Variants in PDHX observed in about 807,000 individuals in gnomAD.
PDHX encodes pyruvate dehydrogenase protein X component, mitochondrial.
Under a neutral mutation model 55.3 loss-of-function variants are expected in PDHX, and 33 were observed. That is an observed-to-expected ratio of 0.60 (90% CI 0.45 to 0.80). The LOEUF is 0.80. PDHX is among the 30% of genes least tolerant of loss of function. The probability of loss-of-function intolerance (pLI) is 0.00; values close to 1 mark genes in which losing one functional copy is unlikely to be tolerated. For synonymous variants in PDHX, 226 were observed against 219.4 expected (o/e 1.03, Z -0.27); for missense variants, 622 against 619.9 (o/e 1.00, Z -0.04).
At chr11:34,987,243 G>C (rs1855666354) in intron 9 of PDHX, among the ~76,000 whole-genome samples, 1 of 152,054 alleles carries the variant, frequency 6.6e-6, no homozygotes, top group African/African-American at 2.4e-5. Flanking sequence ...GGAGGGTTTG[G>C]TTTGGTCCTC....
chr11:34,966,337 C>T (rs905553944), intron 5 of PDHX, among the ~76,000 whole-genome samples: 5 of 152,072 alleles, frequency 3.3e-5, no homozygotes, highest in African/African-American at 1.2e-4. Flanking sequence ...TACCAAATAA[C>T]GTCCACTGCA....
intron 7 of PDHX, among the ~76,000 whole-genome samples, chr11:34,970,783 A>G (rs1447492981): frequency 1.3e-5 from 2 of 152,224 alleles, no homozygotes; most frequent in East Asian, 3.8e-4. Context: ...TAGAGATGCC[A>G]AAACAGTAAA....
intron 1 of PDHX, among the ~76,000 whole-genome samples, chr11:34,926,670 AT>A (rs10709327): frequency 0.79 from 120,167 of 151,692 alleles, 47,743 homozygotes; most frequent in East Asian, 0.83. Flanking sequence ...CTTGTATTAA[AT>A]TTTTTTTTTA....
intron 2 of PDHX, among the ~76,000 whole-genome samples, chr11:34,947,302 T>C (rs536867391): frequency 2.0e-5 from 3 of 152,272 alleles, no homozygotes; most frequent in African/African-American, 7.2e-5. Flanking sequence ...ATGTCCATTA[T>C]AGAGCTTTTG....
chr11:34,925,888 A>G (rs1854007428), intron 1 of PDHX, among the ~76,000 whole-genome samples: 1 of 152,238 alleles, frequency 6.6e-6, no homozygotes, highest in Non-Finnish European at 1.5e-5. Flanking sequence ...CAGTAAGAAT[A>G]ATGAATGCAA....
intron 1 of PDHX, among the ~76,000 whole-genome samples, chr11:34,926,058 A>C (rs1242102348): frequency 2.6e-5 from 4 of 152,188 alleles, no homozygotes; most frequent in African/African-American, 9.7e-5. Context: ...ACTGTTGTGC[A>C]TTCATTTTCT....
intron 3 of PDHX, among the ~76,000 whole-genome samples, chr11:34,947,979 A>G (rs1337820491): frequency 2.0e-5 from 3 of 152,228 alleles, no homozygotes; most frequent in African/African-American, 7.2e-5. Flanking sequence ...TTTACTAGGT[A>G]GTATGGTGGA....
chr11:34,953,515 T>C (rs1854829695), intron 3 of PDHX, among the ~76,000 whole-genome samples: 1 of 152,212 alleles, frequency 6.6e-6, no homozygotes, highest in Admixed American at 6.5e-5. Context: ...GAAATAGTTA[T>C]GACAGATTGT....
intron 2 of PDHX, among the ~76,000 whole-genome samples, chr11:34,933,828 A>G (rs1854235270): frequency 6.6e-6 from 1 of 152,114 alleles, no homozygotes; most frequent in Non-Finnish European, 1.5e-5. Flanking sequence ...CAGAGATGAG[A>G]TAGTTTGAGG....
At chr11:34,980,827 T>C (rs1274214479) in intron 8 of PDHX, among the ~76,000 whole-genome samples, 2 of 152,132 alleles carry the variant, frequency 1.3e-5, no homozygotes, top group African/African-American at 4.8e-5. Context: ...TATATTGCCA[T>C]GCTTAAATGA....
In PDHX at chr11:34,984,517, C is replaced by T. The variant is rs79976609; in HGVS notation, c.1024-53C>T. The T allele has an allele frequency of 0.01, 14,744 of 1,472,080 alleles. 1,033 individuals are homozygous for T. The African/African-American group carries it at 0.17, about 17-fold the overall frequency. 91.2% of individuals were successfully genotyped at this position (1,472,080 alleles called of 1,614,324 possible). On this transcript the variant is annotated intron_variant, in intron 8 of 10. Transcript: ENST00000227868. ...CACAATGATTTTATTTTTCTGTAACCGCCTTGGTCTAAAGCTGCTTTTTTA... is the reference window on the plus strand; with the variant it reads ...CACAATGATTTTATTTTTCTGTAACTGCCTTGGTCTAAAGCTGCTTTTTTA...
At chr11:34,970,340 G>A in intron 7 of PDHX, 54 bp downstream of exon 7, 3 of 1,374,972 alleles carry the variant, frequency 2.2e-6, no homozygotes, top group South Asian at 2.4e-5. Flanking sequence ...TAACTTTCAT[G>A]AAATCCTTTA....
intron 3 of PDHX, among the ~76,000 whole-genome samples, chr11:34,951,261 G>A (rs980180863): frequency 7.9e-5 from 12 of 151,654 alleles, no homozygotes; most frequent in African/African-American, 1.7e-4. Context: ...GGGTTTCACC[G>A]TGTTAGCCAG....
intron 8 of PDHX, among the ~76,000 whole-genome samples, chr11:34,983,176 A>G (rs1590768180): frequency 6.6e-6 from 1 of 152,324 alleles, no homozygotes; most frequent in Non-Finnish European, 1.5e-5. Flanking sequence ...CAAAAACCAC[A>G]TGGTTATCTC....
intron 2 of PDHX, among the ~76,000 whole-genome samples, chr11:34,943,148 A>G (rs1854530290): frequency 6.6e-6 from 1 of 152,220 alleles, no homozygotes; most frequent in South Asian, 2.1e-4. Context: ...TAAAACATTT[A>G]AGTGTCCTGT....
intron 8 of PDHX, among the ~76,000 whole-genome samples, chr11:34,983,740 G>T (rs1405050786): frequency 6.6e-6 from 1 of 152,122 alleles, no homozygotes; most frequent in East Asian, 1.9e-4. Context: ...CTTCTTCAAG[G>T]AGAACTACAA....
intron 2 of PDHX, among the ~76,000 whole-genome samples, chr11:34,937,711 C>G (rs962771123): frequency 6.6e-6 from 1 of 152,034 alleles, no homozygotes; most frequent in African/African-American, 2.4e-5. Context: ...ATAAGAATGC[C>G]TACTCCCCTA....
At chr11:34,965,117 G>A (rs1855104008) in intron 5 of PDHX, among the ~76,000 whole-genome samples, 2 of 152,156 alleles carry the variant, frequency 1.3e-5, no homozygotes, top group African/African-American at 2.4e-5. Context: ...TCCTGGCATA[G>A]CATGGCCAGG....
At chr11:34,930,580 G>T (rs1031418701) in intron 1 of PDHX, among the ~76,000 whole-genome samples, 1 of 152,160 alleles carries the variant, frequency 6.6e-6, no homozygotes, top group African/African-American at 2.4e-5. Context: ...GGGGATGGAC[G>T]TATTTGTTAC....
Sources: gnomAD v4.1 joint callset for allele counts (sites outside exome capture counted in the v4.1 genomes callset) on GRCh38, gnomAD v4.1.1 for gene constraint, MANE v1.5 for transcripts, NCBI Gene and HGNC (gene_info 2026-07-23, HGNC 2026-07-21) for gene names.